ARF3: variants seen among roughly 807,000 people sequenced by gnomAD.
ARF3 encodes ADP-ribosylation factor 3.
Under a neutral mutation model 19.3 loss-of-function variants are expected in ARF3, and 5 were observed. The ratio of observed to expected loss-of-function variants is 0.26; its 90% CI spans 0.14 to 0.54. The LOEUF (loss-of-function observed/expected upper bound fraction) is 0.54, where lower values mean the gene tolerates loss of function less well. Among genes scored for constraint, ARF3 ranks in the 20% least tolerant of loss-of-function variants. The probability of loss-of-function intolerance (pLI) is 0.95; values close to 1 mark genes in which losing one functional copy is unlikely to be tolerated. For synonymous variants in ARF3, 71 were observed against 89.2 expected (o/e 0.80, Z 1.15); for missense variants, 77 against 234.2 (o/e 0.33, Z 4.38).
rs1025985832 is a variant in ARF3 at position 48,951,006 on chromosome 12, C to T, written c.-94+6304G>A. Among the ~76,000 whole-genome samples, 7 of 152,146 alleles carry T rather than the reference C, an allele frequency of 4.6e-5. No individual in the cohort carries two copies. The East Asian group carries it at 9.7e-4, about 21-fold the overall frequency. On this transcript the variant is annotated intron_variant, in intron 1 of 4. Coordinates refer to ENST00000256682, the MANE Select transcript of ARF3 (RefSeq NM_001659.3). ...CTCACCATGTTGGTCAGGCTGGTCT[C>T]GAACTCCTGACCTCAAGTGATCCAC...
rs915036523 is a variant in ARF3 at position 48,937,109 on chromosome 12, C to T, written c.*1838G>A. Reference sequence around the variant, plus strand: ...CACACCTGCTGCATCCTGGGTAACACATCACTAAGTAACTGGCACTGAGGG... The same window carrying T: ...CACACCTGCTGCATCCTGGGTAACATATCACTAAGTAACTGGCACTGAGGG... On this transcript the variant is annotated 3_prime_UTR_variant, in exon 5 of 5. Coordinates refer to ENST00000256682, the MANE Select transcript of ARF3 (RefSeq NM_001659.3). 5 of 152,596 alleles carry T rather than the reference C, an allele frequency of 3.3e-5. No homozygotes were observed. Among genetic ancestry groups the T allele is most frequent in the Non-Finnish European group, 5.9e-5 (4 of 68,274 alleles). The allele number at this position is 152,596 out of a possible 1,614,324, so 9.5% of individuals were successfully genotyped here.
intron 1 of ARF3, among the ~76,000 whole-genome samples, chr12:48,954,341 A>G (rs1940522626): frequency 6.6e-6 from 1 of 152,180 alleles, no homozygotes; most frequent in Non-Finnish European, 1.5e-5. Flanking sequence ...CCTCTACACA[A>G]GCACCTCAGG....
At chr12:48,945,028 T>C (rs897982272) in intron 1 of ARF3, among the ~76,000 whole-genome samples, 2 of 148,638 alleles carry the variant, frequency 1.3e-5, no homozygotes, top group Non-Finnish European at 3.0e-5. Flanking sequence ...TGCGCGCCTG[T>C]ACTCAGGAAG....
At chr12:48,953,503 C>A (rs1010362697) in intron 1 of ARF3, among the ~76,000 whole-genome samples, 11 of 152,106 alleles carry the variant, frequency 7.2e-5, no homozygotes, top group African/African-American at 2.2e-4. Flanking sequence ...TAAGCATTCA[C>A]GCTTGACACT....
intron 1 of ARF3, chr12:48,957,101 ACC>A (rs1940584302): frequency 7.7e-6 from 1 of 130,526 alleles, no homozygotes; most frequent in Non-Finnish European, 1.6e-5. Flanking sequence ...TGCGCCCCCC[ACC>A]CCCACCCCAG....
At chr12:48,953,808 C>T (rs1019902545) in intron 1 of ARF3, among the ~76,000 whole-genome samples, 7 of 152,288 alleles carry the variant, frequency 4.6e-5, no homozygotes, top group East Asian at 1.9e-4. Flanking sequence ...CCTTTCCAAA[C>T]GCTCCTCATG....
At chr12:48,952,005 C>CA (rs1056326710) in intron 1 of ARF3, among the ~76,000 whole-genome samples, 1 of 152,156 alleles carries the variant, frequency 6.6e-6, no homozygotes, top group Non-Finnish European at 1.5e-5. Flanking sequence ...ACATCATAGA[C>CA]ACCAATGGGG....
At chr12:48,954,731 G>A (rs1476756880) in intron 1 of ARF3, among the ~76,000 whole-genome samples, 1 of 152,120 alleles carries the variant, frequency 6.6e-6, no homozygotes, top group Admixed American at 6.5e-5. Flanking sequence ...CAAAAATGGT[G>A]AGGAGAGTTC....
At chr12:48,951,099 T>G (rs1183206975) in intron 1 of ARF3, among the ~76,000 whole-genome samples, 2 of 152,192 alleles carry the variant, frequency 1.3e-5, no homozygotes. Context: ...TGTCTGCCTT[T>G]CTACTAGATG....
intron 1 of ARF3, among the ~76,000 whole-genome samples, chr12:48,944,128 T>C (rs962395934): frequency 1.5e-4 from 23 of 152,280 alleles, no homozygotes; most frequent in African/African-American, 4.1e-4. Context: ...CAGCTCCAGA[T>C]GACACTTTGC....
At chr12:48,954,200 CT>C (rs1216160331) in intron 1 of ARF3, among the ~76,000 whole-genome samples, 1 of 152,250 alleles carries the variant, frequency 6.6e-6, no homozygotes, top group Non-Finnish European at 1.5e-5. Context: ...TTCAGGGCCC[CT>C]GCCTTGCTCC....
At chr12:48,950,368 G>A (rs1592243272) in intron 1 of ARF3, among the ~76,000 whole-genome samples, 1 of 151,978 alleles carries the variant, frequency 6.6e-6, no homozygotes, top group African/African-American at 2.4e-5. Flanking sequence ...GCTAATTTTT[G>A]TTTAACTGAA....
intron 1 of ARF3, among the ~76,000 whole-genome samples, chr12:48,941,766 C>T (rs1011242505): frequency 1.1e-4 from 17 of 152,216 alleles, no homozygotes; most frequent in African/African-American, 3.9e-4. Flanking sequence ...ATAAGAAAGC[C>T]GCACTCTTAA....
At chr12:48,950,767 G>A (rs1940452256) in intron 1 of ARF3, among the ~76,000 whole-genome samples, 1 of 152,052 alleles carries the variant, frequency 6.6e-6, no homozygotes, top group East Asian at 1.9e-4. Context: ...TGTACAATAT[G>A]TGTTCTTCTG....
At chr12:48,940,163 A>G (rs1404587094) in intron 2 of ARF3, 56 bp from the exon 3 acceptor site, 1 of 1,413,918 alleles carries the variant, frequency 7.1e-7, no homozygotes, top group Non-Finnish European at 1.0e-6. Flanking sequence ...CCCCGCAAAC[A>G]CCACCACAAT....
In ARF3 at chr12:48,939,043, G is replaced by A. The variant is rs753304953; in HGVS notation, c.450C>T (p.His150=). The A allele has an allele frequency of 6.2e-7, 1 of 1,614,024 alleles. No individual in the cohort carries two copies. The highest frequency in any genetic ancestry group is 1.1e-5 in the South Asian group (1 of 91,068). The part of the protein sequence containing the change: ...TDKLGLHSLR[H]RNWYIQATCA... ...AGGTGGCCTGAATGTACCAGTTACGGTGACGAAGGGAATGCAGGCCCAGCT... is the reference window on the plus strand; with the variant it reads ...AGGTGGCCTGAATGTACCAGTTACGATGACGAAGGGAATGCAGGCCCAGCT... The change falls in exon 5 of 5, where the codon CAC becomes CAT. Residue 150 remains histidine, a synonymous_variant. Transcript: ENST00000256682. This position sits in a 1 kb window ranked among gnomAD's most constrained non-coding sequence, Gnocchi z 4.8.
intron 1 of ARF3, among the ~76,000 whole-genome samples, chr12:48,950,847 G>A (rs991953522): frequency 2.0e-5 from 3 of 151,840 alleles, no homozygotes; most frequent in Admixed American, 6.6e-5. Context: ...GTGCAATGGC[G>A]CAATCTCGGC....
intron 1 of ARF3, among the ~76,000 whole-genome samples, chr12:48,952,915 A>G (rs1465477223): frequency 6.6e-6 from 1 of 152,170 alleles, no homozygotes; most frequent in Admixed American, 6.5e-5. Context: ...CAGCCACTGG[A>G]TGGCTGGGCA....
chr12:48,954,498 T>C (rs1469417740), intron 1 of ARF3, among the ~76,000 whole-genome samples: 1 of 152,196 alleles, frequency 6.6e-6, no homozygotes, highest in Admixed American at 6.5e-5. Context: ...GTGCTTTACA[T>C]TTATCTCATT....
Sources: allele counts gnomAD v4.1 joint callset (sites outside exome capture counted in the v4.1 genomes callset), GRCh38; gene constraint gnomAD v4.1.1; non-coding constraint Gnocchi (gnomAD v3.1); transcripts MANE v1.5; gene names NCBI Gene and HGNC (gene_info 2026-07-23, HGNC 2026-07-21).